GRID2: variants seen among roughly 807,000 people sequenced by gnomAD.
GRID2 encodes the protein glutamate ionotropic receptor delta type subunit 2, also known as glutamate receptor ionotropic, delta-2.
A neutral mutation model predicts 114.8 loss-of-function variants in GRID2; 33 were observed. That is an observed-to-expected ratio of 0.29 (90% CI 0.22 to 0.38). The LOEUF (loss-of-function observed/expected upper bound fraction) is 0.38. GRID2 is among the 10% of genes least tolerant of loss of function. GRID2 has a pLI of 1.00. For synonymous variants in GRID2, 505 were observed against 449.9 expected, an observed-to-expected ratio of 1.12 and a Z score of -1.55; for missense variants, 1,184 against 1,257.7, an observed-to-expected ratio of 0.94 and a Z score of 0.89.
chr4:93,663,814 A>G (rs1326964470), intron 14 of GRID2, among the ~76,000 whole-genome samples: 1 of 152,206 alleles, frequency 6.6e-6, no homozygotes, highest in Non-Finnish European at 1.5e-5. Context: ...CTTATCATAT[A>G]AAAAGTAGTT....
At chr4:92,585,630 T>A (rs1444230659) in intron 1 of GRID2, among the ~76,000 whole-genome samples, 1 of 151,994 alleles carries the variant, frequency 6.6e-6, no homozygotes, top group African/African-American at 2.4e-5. Flanking sequence ...ATAATTCTAT[T>A]CGCTGTGGAA....
At chr4:92,797,172 G>A (rs1001624519) in intron 2 of GRID2, among the ~76,000 whole-genome samples, 2 of 151,888 alleles carry the variant, frequency 1.3e-5, no homozygotes, top group Admixed American at 6.6e-5. Flanking sequence ...ATCACTAGTG[G>A]CACTTCATAT....
chr4:92,955,296 A>G (rs1426172772), intron 2 of GRID2, among the ~76,000 whole-genome samples: 3 of 151,116 alleles, frequency 2.0e-5, no homozygotes, highest in African/African-American at 7.3e-5. Context: ...TGACTTTTTA[A>G]TGATTGCCAT....
rs1189915815 is a variant in GRID2 at position 93,774,441 on chromosome 4, A to T, written c.*1943A>T. On this transcript the variant is annotated 3_prime_UTR_variant, in exon 16 of 16. Transcript: ENST00000282020. ...CAATATTTAAAATAGGCTTATTTTGATGTATCGCCTATTATACAAACACAC... is the reference window on the plus strand; with the variant it reads ...CAATATTTAAAATAGGCTTATTTTGTTGTATCGCCTATTATACAAACACAC... 6.6e-6 allele frequency: 1 copy of T among 152,172 alleles called. No homozygotes were observed. Among genetic ancestry groups the T allele is most frequent in the African/African-American group, 2.4e-5 (1 of 41,470 alleles). The allele number at this position is 152,172 out of a possible 1,614,324, so 9.4% of individuals were successfully genotyped here.
At chr4:92,670,764 G>A (rs1733018999) in intron 2 of GRID2, among the ~76,000 whole-genome samples, 1 of 151,948 alleles carries the variant, frequency 6.6e-6, no homozygotes, top group Non-Finnish European at 1.5e-5. Context: ...TTTGAAGTAG[G>A]TAGTATTGTT....
rs180846625 is a variant in GRID2, at chr4:92,746,304, A to G, written c.244+156018A>G. ...GAATTTATGTCACACTACACATAGC[A>G]TATAACTTTTAAAATATATTTATTG... On this transcript the variant is annotated intron_variant, in intron 2 of 15. Transcript: ENST00000282020. 1.5e-3 allele frequency among the ~76,000 whole-genome samples: 232 copies of G among 152,282 alleles called. 3 individuals are homozygous for G. The highest frequency in any genetic ancestry group is 3.4e-4 in the Non-Finnish European group (23 of 67,980).
intron 10 of GRID2, among the ~76,000 whole-genome samples, chr4:93,445,307 G>A (rs1721997231): frequency 1.3e-5 from 2 of 151,954 alleles, no homozygotes; most frequent in African/African-American, 4.8e-5. Flanking sequence ...GGGATAGTCA[G>A]CCAGGGAACT....
intron 8 of GRID2, among the ~76,000 whole-genome samples, chr4:93,249,121 A>T (rs1250389485): frequency 6.6e-6 from 1 of 152,174 alleles, no homozygotes; most frequent in East Asian, 1.9e-4. Context: ...TCATTTATTA[A>T]ATAGGGAATC....
chr4:93,246,732 T>C (rs1404035176), intron 8 of GRID2, among the ~76,000 whole-genome samples: 1 of 152,218 alleles, frequency 6.6e-6, no homozygotes. Context: ...TTTATTCTGA[T>C]GTGTCTTCAA....
At chr4:92,332,243 G>A (rs1560571838) in intron 1 of GRID2, among the ~76,000 whole-genome samples, 1 of 152,136 alleles carries the variant, frequency 6.6e-6, no homozygotes, top group African/African-American at 2.4e-5. Flanking sequence ...TCTTGTGAGG[G>A]TCTTCTTGCA....
chr4:92,651,974 G>C (rs1250305132), intron 2 of GRID2, among the ~76,000 whole-genome samples: 1 of 152,110 alleles, frequency 6.6e-6, no homozygotes, highest in African/African-American at 2.4e-5. Flanking sequence ...GAAAAAGAAG[G>C]CATGTGTCAG....
chr4:92,612,057 C>G (rs79399500), intron 2 of GRID2, among the ~76,000 whole-genome samples: 3,328 of 151,232 alleles, frequency 0.022, 134 homozygotes, highest in African/African-American at 0.076. Context: ...GAATATATTC[C>G]AAGGTCATTA....
chr4:92,460,663 G>A (rs1721450937), intron 1 of GRID2, among the ~76,000 whole-genome samples: 1 of 152,042 alleles, frequency 6.6e-6, no homozygotes, highest in Non-Finnish European at 1.5e-5. Context: ...GTGGCATTAG[G>A]TTGTAGATTT....
intron 1 of GRID2, among the ~76,000 whole-genome samples, chr4:92,572,495 A>G (rs1213935860): frequency 2.0e-5 from 3 of 152,192 alleles, no homozygotes; most frequent in African/African-American, 7.2e-5. Flanking sequence ...AAATGATTCC[A>G]ATCAATAGAA....
chr4:93,541,085 C>G (rs1369464), intron 13 of GRID2, among the ~76,000 whole-genome samples: 20,892 of 151,984 alleles, frequency 0.14, 2,789 homozygotes, highest in African/African-American at 0.35. Flanking sequence ...TTACCTAACT[C>G]GAGGAAATGT....
chr4:93,445,478 G>C (rs1722011356), intron 10 of GRID2, among the ~76,000 whole-genome samples: 1 of 151,822 alleles, frequency 6.6e-6, no homozygotes, highest in Non-Finnish European at 1.5e-5. Context: ...TTTCATCTTA[G>C]TTTTGCTTCC....
intron 13 of GRID2, among the ~76,000 whole-genome samples, chr4:93,586,876 T>C (rs1475497752): frequency 1.3e-5 from 2 of 152,144 alleles, no homozygotes; most frequent in Non-Finnish European, 2.9e-5. Flanking sequence ...TTCTTCTCTC[T>C]TTTTTAACCT....
intron 2 of GRID2, among the ~76,000 whole-genome samples, chr4:92,754,045 A>G (rs1737589427): frequency 6.6e-6 from 1 of 152,244 alleles, no homozygotes; most frequent in Non-Finnish European, 1.5e-5. Context: ...CACATCGTTT[A>G]CATATTTGCT....
chr4:92,922,104 C>T (rs1749400551), intron 2 of GRID2, among the ~76,000 whole-genome samples: 1 of 152,136 alleles, frequency 6.6e-6, no homozygotes, highest in Non-Finnish European at 1.5e-5. Flanking sequence ...GACTGCTGTG[C>T]TAGCAATGAG....
Sources: allele counts gnomAD v4.1 joint callset (sites outside exome capture counted in the v4.1 genomes callset), GRCh38; gene constraint gnomAD v4.1.1; transcripts MANE v1.5; gene names NCBI Gene and HGNC (gene_info 2026-07-23, HGNC 2026-07-21).